ZAP70: variants seen among roughly 807,000 people sequenced by gnomAD.
The protein encoded by ZAP70 is zeta chain of T cell receptor associated protein kinase 70.
In ZAP70, 27 loss-of-function variants were observed where a neutral mutation model predicts 65.8. The ratio of observed to expected loss-of-function variants is 0.41; its 90% CI spans 0.30 to 0.57. The LOEUF (loss-of-function observed/expected upper bound fraction) is 0.57, where lower values mean the gene tolerates loss of function less well. ZAP70 is among the 20% of genes least tolerant of loss of function. The pLI, the probability that ZAP70 is intolerant of heterozygous loss-of-function variation, is 0.28. For missense variants in ZAP70, 696 were observed against 870.5 expected (o/e 0.80, Z 2.52); for synonymous variants, 363 against 360.8 (o/e 1.01, Z -0.07).
chr2:97,723,244 G>A (rs936786151), intron 2 of ZAP70, among the ~76,000 whole-genome samples: 21 of 152,268 alleles, frequency 1.4e-4, no homozygotes, highest in Non-Finnish European at 2.5e-4. Context: ...ATTAGCGTAT[G>A]CTCTGTAGAA....
At chr2:97,713,774 G>C (rs1676800499) in intron 1 of ZAP70, 100 bp downstream of exon 1, 1 of 152,488 alleles carries the variant, frequency 6.6e-6, no homozygotes, top group African/African-American at 2.4e-5. Flanking sequence ...CCCCATCCAT[G>C]AGTGAGAAAC....
chr2:97,725,455 G>A (rs374947542), intron 4 of ZAP70, among the ~76,000 whole-genome samples: 2 of 152,188 alleles, frequency 1.3e-5, no homozygotes, highest in African/African-American at 2.4e-5. Context: ...CTCCAGACTC[G>A]GTCCCTTGGC....
Position 97,733,312 on chromosome 2 carries a change from C to T in ZAP70, c.806C>T (p.Thr269Ile). The change falls in exon 7 of 14, where the codon ACA becomes ATA. Residue 269 changes from threonine (T) to isoleucine (I), a missense_variant. Physicochemically the swap from Thr to Ile is moderately conservative, Grantham distance 89 (BLOSUM62 -1). Transcript: ENST00000264972. ...GCTCCCCCAGGGGCTGCTGCTCCCA[C>T]ACTCCCAGCCCACCCATCCACGTTG... ...ASNASGAAAP[T>I]LPAHPSTLTH... 2 of 1,599,296 alleles carry T rather than the reference C, an allele frequency of 1.3e-6. No individual in the cohort carries two copies. The highest frequency in any genetic ancestry group is 1.7e-6 in the Non-Finnish European group (2 of 1,171,738).
At chr2:97,717,537 G>T (rs1387621854) in intron 2 of ZAP70, among the ~76,000 whole-genome samples, 1 of 152,196 alleles carries the variant, frequency 6.6e-6, no homozygotes, top group Admixed American at 6.5e-5. Flanking sequence ...TGCTGCTCCT[G>T]CCCGCTCCCA....
Position 97,739,729 on chromosome 2 carries a change from G to T in ZAP70, c.*231G>T. 1 of 646,586 alleles carries T rather than the reference G, an allele frequency of 1.5e-6. No individual in the cohort carries two copies. The highest frequency in any genetic ancestry group is 2.6e-6 in the Non-Finnish European group (1 of 385,064). The allele number at this position is 646,586 out of a possible 1,614,324, so 40.1% of individuals were successfully genotyped here. A position where few individuals can be genotyped will look rare whatever the true frequency, so the allele number is the denominator to read the frequency against. Reference sequence around the variant, plus strand: ...GCGGCTGTGCAGCCTGTCCTGGGCTGGTGGCTCCCGGAGGGCCCTGAGCTG... The same window carrying T: ...GCGGCTGTGCAGCCTGTCCTGGGCTTGTGGCTCCCGGAGGGCCCTGAGCTG... On this transcript the variant is annotated 3_prime_UTR_variant, in exon 14 of 14. Coordinates refer to ENST00000264972, the MANE Select transcript of ZAP70 (RefSeq NM_001079.4).
rs199772588 is a variant in ZAP70 at position 97,739,402 on chromosome 2, C to T, written c.1764C>T (p.Thr588=). The part of the protein sequence containing the change: ...YKWEDRPDFL[T]VEQRMRACYY... ...GGGAGGATCGCCCCGACTTCCTGACCGTGGAGCAGCGCATGCGAGCCTGTT... is the reference window on the plus strand; with the variant it reads ...GGGAGGATCGCCCCGACTTCCTGACTGTGGAGCAGCGCATGCGAGCCTGTT... Residue 588 remains threonine, a synonymous_variant, in exon 14 of 14, where the codon ACC becomes ACT. Transcript: ENST00000264972. The T allele has an allele frequency of 3.9e-5, 63 of 1,613,490 alleles. No individual in the cohort carries two copies. Among genetic ancestry groups the T allele is most frequent in the East Asian group, 1.8e-4 (8 of 44,896 alleles).
chr2:97,721,100 T>C (rs1349204840), intron 2 of ZAP70, among the ~76,000 whole-genome samples: 5 of 152,196 alleles, frequency 3.3e-5, no homozygotes, highest in Non-Finnish European at 7.3e-5. Flanking sequence ...AGGTATTTTT[T>C]CCCAACATTC....
At chr2:97,742,060 GA>G (rs151120717), downstream of ZAP70, among the ~76,000 whole-genome samples, 41 of 152,346 alleles carry the variant, frequency 2.7e-4, 1 homozygote, top group East Asian at 4.2e-3. Context: ...TGTAGTGGGA[GA>G]GAATGTCCTT....
chr2:97,742,555 C>T (rs1678157802), downstream of ZAP70, among the ~76,000 whole-genome samples: 1 of 152,254 alleles, frequency 6.6e-6, no homozygotes, highest in Admixed American at 6.5e-5. Context: ...TGCTTCCATT[C>T]ACCTTTTGTC....
intron 3 of ZAP70, 111 bp downstream of exon 3, chr2:97,724,549 C>A: frequency 1.3e-6 from 2 of 1,532,672 alleles, no homozygotes; most frequent in Non-Finnish European, 1.7e-6. Flanking sequence ...CATTCAGTCC[C>A]CTTTGGAAGC....
chr2:97,719,235 AGAT>A (rs1559316837), intron 2 of ZAP70, among the ~76,000 whole-genome samples: 1 of 151,102 alleles, frequency 6.6e-6, no homozygotes, highest in Non-Finnish European at 1.5e-5. Flanking sequence ...AGATCAAAGG[AGAT>A]GATGCCAGCA....
chr2:97,716,384 G>A (rs1050841375), intron 2 of ZAP70, among the ~76,000 whole-genome samples: 7 of 152,158 alleles, frequency 4.6e-5, no homozygotes, highest in Non-Finnish European at 8.8e-5. Flanking sequence ...CAAGACAAAG[G>A]CTCCACTCCC....
At chr2:97,746,738 T>G in the ZAP70 span, among the ~76,000 whole-genome samples, 1 of 152,186 alleles carries the variant, frequency 6.6e-6, no homozygotes, top group Non-Finnish European at 1.5e-5. Context: ...GTGGACTTCA[T>G]GACATTGAAA....
chr2:97,725,446 T>C (rs2104666221), intron 4 of ZAP70, among the ~76,000 whole-genome samples, 194 bp downstream of exon 4: 1 of 152,296 alleles, frequency 6.6e-6, no homozygotes, highest in Non-Finnish European at 1.5e-5. Context: ...TAGGAAAGCC[T>C]CCAGACTCGG....
chr2:97,748,345 G>A, the ZAP70 span, among the ~76,000 whole-genome samples: 1 of 152,120 alleles, frequency 6.6e-6, no homozygotes, highest in African/African-American at 2.4e-5. Context: ...TTTAAAGCAG[G>A]TTTTCTTTGA....
the ZAP70 span, among the ~76,000 whole-genome samples, chr2:97,746,444 C>T: frequency 0.14 from 21,857 of 152,230 alleles, 1,864 homozygotes; most frequent in African/African-American, 0.23. Flanking sequence ...CTTGCTCAAG[C>T]ACAACCAACG....
intron 4 of ZAP70, among the ~76,000 whole-genome samples, chr2:97,732,468 A>T (rs1228600036): frequency 6.6e-6 from 1 of 152,068 alleles, no homozygotes; most frequent in African/African-American, 2.4e-5. Flanking sequence ...TGTACCCCCA[A>T]TGAGTGCCTG....
downstream of ZAP70, among the ~76,000 whole-genome samples, chr2:97,741,754 C>T (rs1678136272): frequency 6.6e-6 from 1 of 152,260 alleles, no homozygotes; most frequent in Non-Finnish European, 1.5e-5. Context: ...ACCCCCATTC[C>T]CTTTACCGTT....
chr2:97,717,252 T>TG lies in ZAP70; in HGVS notation c.-22+3265dup, dbSNP rs201931830. On this transcript the variant is annotated intron_variant, in intron 2 of 13. Coordinates refer to ENST00000264972, the MANE Select transcript of ZAP70 (RefSeq NM_001079.4). ...AGGAGCTGGAGTGGGAACAGGGTGGTGGGGGGGCAGTAGGAGGAGGTGGGG... is the reference window on the plus strand; with the variant it reads ...AGGAGCTGGAGTGGGAACAGGGTGGTGGGGGGGGCAGTAGGAGGAGGTGGGG... 2.6e-3 allele frequency among the ~76,000 whole-genome samples: 64 copies of TG among 24,764 alleles called. 1 individual carries two copies. The highest frequency in any genetic ancestry group is 1.7e-3 in the Non-Finnish European group (14 of 8,222). The allele number at this position is 24,764 out of a possible 152,430, so 16.2% of individuals were successfully genotyped here. A position where few individuals can be genotyped will look rare whatever the true frequency, so the allele number is the denominator to read the frequency against.
Sources: gnomAD v4.1 joint callset for allele counts (sites outside exome capture counted in the v4.1 genomes callset) on GRCh38, gnomAD v4.1.1 for gene constraint, MANE v1.5 for transcripts, NCBI Gene and HGNC (gene_info 2026-07-23, HGNC 2026-07-21) for gene names.